Variants in MET observed in about 807,000 individuals in gnomAD.
MET encodes MET proto-oncogene, receptor tyrosine kinase.
Under a neutral mutation model 133.1 loss-of-function variants are expected in MET, and 48 were observed. That is an observed-to-expected ratio of 0.36 (90% CI 0.29 to 0.46). The LOEUF is 0.46. Among genes scored for constraint, MET ranks in the 20% least tolerant of loss-of-function variants. MET has a pLI of 1.00. For missense variants in MET, 1,442 were observed against 1,695.9 expected (o/e 0.85, Z 2.63); for synonymous variants, 628 against 616.5 (o/e 1.02, Z -0.28).
Position 116,777,407 on chromosome 7 carries a change from A to G in MET, c.3278A>G (p.Tyr1093Cys), listed in dbSNP as rs767736065. 1 of 1,613,896 alleles carries G rather than the reference A, an allele frequency of 6.2e-7. No individual in the cohort carries two copies. The highest frequency in any genetic ancestry group is 8.5e-7 in the Non-Finnish European group (1 of 1,179,836). Residue 1093 changes from tyrosine (Y) to cysteine (C), a missense_variant, in exon 16 of 21, where the codon TAT becomes TGT. Coordinates refer to ENST00000397752, the MANE Select transcript of MET (RefSeq NM_000245.4). ...VIGRGHFGCV[Y>C]HGTLLDNDGK... ...TGCACAGGGCATTTTGGTTGTGTAT[A>G]TCATGGGACTTTGTTGGACAATGAT... is the stretch of plus-strand genomic sequence containing the variant.
intron 5 of MET, among the ~76,000 whole-genome samples, chr7:116,752,880 T>G (rs2116892732): frequency 6.6e-6 from 1 of 152,292 alleles, no homozygotes; most frequent in South Asian, 2.1e-4. Context: ...GGAAGCCTCC[T>G]CATTAGAAGA....
intron 5 of MET, among the ~76,000 whole-genome samples, chr7:116,751,952 T>C (rs1239837205): frequency 3.3e-5 from 5 of 151,978 alleles, no homozygotes; most frequent in Non-Finnish European, 5.9e-5. Flanking sequence ...TACCAGCTAC[T>C]CGGGAGGCTG....
rs866135295 is a variant in MET, at chr7:116,767,974, A to G, written c.2584-1671A>G. Reference sequence around the variant, plus strand: ...GCTTCTAATATGCATATATATATATATGTGTGTGTGTGTGTGTGTGTGTGT... The same window carrying G: ...GCTTCTAATATGCATATATATATATGTGTGTGTGTGTGTGTGTGTGTGTGT... On this transcript the variant is annotated intron_variant, in intron 11 of 20. Transcript: ENST00000397752. Among the ~76,000 whole-genome samples the G allele has an allele frequency of 2.4e-3, 334 of 140,228 alleles. 2 individuals carry two copies. The highest frequency in any genetic ancestry group is 5.5e-3 in the African/African-American group (205 of 37,562). 92.0% of individuals were successfully genotyped at this position (140,228 alleles called of 152,430 possible).
intron 2 of MET, among the ~76,000 whole-genome samples, chr7:116,729,686 C>G (rs1471084645): frequency 1.3e-5 from 2 of 152,172 alleles, no homozygotes; most frequent in Admixed American, 6.5e-5. Context: ...TCTCCCGTCC[C>G]CATCGTCTAC....
chr7:116,786,114 G>C (rs1308104382), intron 19 of MET, among the ~76,000 whole-genome samples: 1 of 152,232 alleles, frequency 6.6e-6, no homozygotes, highest in Non-Finnish European at 1.5e-5. Context: ...GCATGGTTGG[G>C]CTCTATTGAG....
chr7:116,717,058 T>C (rs1792271714), intron 2 of MET, among the ~76,000 whole-genome samples: 1 of 152,198 alleles, frequency 6.6e-6, no homozygotes, highest in Admixed American at 6.5e-5. Context: ...AACAGATGTG[T>C]TGAGGAAGCC....
intron 2 of MET, among the ~76,000 whole-genome samples, chr7:116,711,932 A>G (rs531877571): frequency 5.9e-5 from 9 of 152,224 alleles, no homozygotes; most frequent in Admixed American, 3.3e-4. Flanking sequence ...GCATTTGCCA[A>G]TTTCTATGGT....
intron 1 of MET, among the ~76,000 whole-genome samples, chr7:116,697,905 T>C (rs1249460956): frequency 6.6e-6 from 1 of 152,190 alleles, no homozygotes; most frequent in Non-Finnish European, 1.5e-5. Flanking sequence ...ACATTGCAGC[T>C]TCACTGAAGG....
chr7:116,675,814 G>A (rs1012417084), intron 1 of MET, among the ~76,000 whole-genome samples: 3 of 146,390 alleles, frequency 2.0e-5, no homozygotes, highest in Non-Finnish European at 4.5e-5. Flanking sequence ...GAGACATACC[G>A]AGAAAAGGTT....
intron 2 of MET, among the ~76,000 whole-genome samples, chr7:116,716,470 AAAGAAAGAAAGAAAG>A (rs1562893276): frequency 9.9e-5 from 2 of 20,126 alleles, no homozygotes; most frequent in East Asian, 1.3e-3. Flanking sequence ...AAAGAAAGAG[AAAGAAAGAAAGAAAG>A]AAAGAAAGAA....
intron 2 of MET, among the ~76,000 whole-genome samples, chr7:116,703,744 A>C (rs1259038686): frequency 2.6e-5 from 4 of 152,138 alleles, no homozygotes; most frequent in Admixed American, 6.6e-5. Context: ...AATGAGAATC[A>C]ATACAGAATA....
At chr7:116,703,555 C>T (rs916870888) in intron 2 of MET, among the ~76,000 whole-genome samples, 13 of 151,962 alleles carry the variant, frequency 8.6e-5, no homozygotes, top group African/African-American at 2.9e-4. Flanking sequence ...GGAGAAAAAA[C>T]CCTCATCTCT....
In MET at chr7:116,673,145, C is replaced by T. The variant is rs142049996; in HGVS notation, c.-15+568C>T. On this transcript the variant is annotated intron_variant, in intron 1 of 20. Coordinates refer to ENST00000397752, the MANE Select transcript of MET (RefSeq NM_000245.4). ...CTTATTAGGTGAAATAGATTATAAC[C>T]AGAGGCTGAGCGATGTGGCCAGTCG... Among the ~76,000 whole-genome samples, 866 of 152,276 alleles carry T rather than the reference C, an allele frequency of 5.7e-3. 4 individuals carry two copies. Among genetic ancestry groups the T allele is most frequent in the African/African-American group, 0.019 (808 of 41,548 alleles).
chr7:116,736,367 A>T (rs1793210694), intron 3 of MET, among the ~76,000 whole-genome samples: 1 of 152,054 alleles, frequency 6.6e-6, no homozygotes, highest in African/African-American at 2.4e-5. Flanking sequence ...AAAAAAAAAA[A>T]TTAAAACCGT....
At position 116,757,543 on chromosome 7, in the gene MET, A is replaced by T. The variant is rs1362532895; in HGVS notation, c.1965+4A>T. On this transcript the variant is annotated splice_donor_region_variant and intron_variant, in intron 7 of 20. Coordinates refer to ENST00000397752, the MANE Select transcript of MET (RefSeq NM_000245.4). The stretch of plus-strand genomic sequence containing the variant: ...ATACAGTACATTCTCCTATGTGGTA[A>T]GGAAGATTCTATCCTATCATGTTTG... 1 of 1,613,344 alleles carries T rather than the reference A, an allele frequency of 6.2e-7. No homozygotes were observed. The highest frequency in any genetic ancestry group is 1.1e-5 in the South Asian group (1 of 91,072).
At chr7:116,692,532 C>T (rs1490460158) in intron 1 of MET, among the ~76,000 whole-genome samples, 1 of 152,040 alleles carries the variant, frequency 6.6e-6, no homozygotes, top group Admixed American at 6.6e-5. Context: ...TTGAATGTAT[C>T]GCTAGATTTC....
intron 5 of MET, among the ~76,000 whole-genome samples, chr7:116,748,123 A>C (rs1472749202): frequency 6.6e-6 from 1 of 152,232 alleles, no homozygotes; most frequent in Admixed American, 6.5e-5. Context: ...GGGCGCCTGT[A>C]GTCCCAGCTA....
At chr7:116,713,683 C>G (rs1792088186) in intron 2 of MET, among the ~76,000 whole-genome samples, 1 of 152,128 alleles carries the variant, frequency 6.6e-6, no homozygotes, top group Admixed American at 6.5e-5. Flanking sequence ...GAGTCTCACT[C>G]CACGGTGGCA....
chr7:116,755,206 T>C, intron 5 of MET, 149 bp from the exon 6 acceptor site: 1 of 917,656 alleles, frequency 1.1e-6, no homozygotes, highest in South Asian at 1.7e-5. Flanking sequence ...CCCTTTTCCC[T>C]TTAGTGAAAA....
Sources: gnomAD v4.1 joint callset for allele counts (sites outside exome capture counted in the v4.1 genomes callset) on GRCh38, gnomAD v4.1.1 for gene constraint, MANE v1.5 for transcripts, NCBI Gene and HGNC (gene_info 2026-07-23, HGNC 2026-07-21) for gene names.